CSMD1: variants seen among roughly 807,000 people sequenced by gnomAD.
The protein encoded by CSMD1 is CUB and sushi domain-containing protein 1.
CSMD1 carries 213 observed loss-of-function variants against 417.5 expected under a neutral mutation model. That is an observed-to-expected ratio of 0.51 (90% CI 0.46 to 0.57). The LOEUF is 0.57. Among genes scored for constraint, CSMD1 ranks in the 20% least tolerant of loss-of-function variants. The probability of loss-of-function intolerance (pLI) is 0.00; values close to 1 mark genes in which losing one functional copy is unlikely to be tolerated. For missense variants in CSMD1, 6,923 were observed against 4,529.7 expected (o/e 1.53, Z -15.17); for synonymous variants, 2,862 against 1,736.8 (o/e 1.65, Z -16.11).
chr8:3,737,702 T>G (rs1796595406), intron 6 of CSMD1, among the ~76,000 whole-genome samples: 1 of 152,222 alleles, frequency 6.6e-6, no homozygotes, highest in African/African-American at 2.4e-5. Flanking sequence ...TCTTCACGTT[T>G]CTGACTTCCA....
chr8:3,746,570 T>A (rs564780577), intron 6 of CSMD1, among the ~76,000 whole-genome samples: 1 of 152,364 alleles, frequency 6.6e-6, no homozygotes, highest in Admixed American at 6.5e-5. Flanking sequence ...AATGTTCATG[T>A]ATTCCATTAG....
intron 5 of CSMD1, among the ~76,000 whole-genome samples, chr8:3,969,160 G>C (rs1024708881): frequency 7.2e-5 from 11 of 152,130 alleles, no homozygotes; most frequent in Non-Finnish European, 1.6e-4. Context: ...TGAGGGAGGA[G>C]AATTGCTTGA....
intron 3 of CSMD1, among the ~76,000 whole-genome samples, chr8:4,120,172 A>C (rs1468437760): frequency 6.6e-6 from 1 of 152,162 alleles, no homozygotes; most frequent in Non-Finnish European, 1.5e-5. Flanking sequence ...GTACCCCATA[A>C]ATATATACAC....
intron 1 of CSMD1, among the ~76,000 whole-genome samples, chr8:4,672,981 G>C (rs1009550225): frequency 6.6e-6 from 1 of 151,602 alleles, no homozygotes; most frequent in African/African-American, 2.4e-5. Flanking sequence ...CGTTTCCATA[G>C]TGGCATACAC....
intron 1 of CSMD1, among the ~76,000 whole-genome samples, chr8:4,725,909 G>C (rs903883999): frequency 2.0e-5 from 3 of 152,032 alleles, no homozygotes; most frequent in African/African-American, 7.3e-5. Context: ...CACATTCCAG[G>C]GGGGGTTACT....
At chr8:4,457,096 A>G (rs1264352068) in intron 2 of CSMD1, among the ~76,000 whole-genome samples, 2 of 151,974 alleles carry the variant, frequency 1.3e-5, no homozygotes, top group African/African-American at 4.8e-5. Flanking sequence ...GAAAAATAAT[A>G]TGACTATCGA....
intron 26 of CSMD1, among the ~76,000 whole-genome samples, chr8:3,266,962 T>A (rs956544982): frequency 6.6e-6 from 1 of 152,072 alleles, no homozygotes; most frequent in Non-Finnish European, 1.5e-5. Flanking sequence ...GTATAAAATT[T>A]TGCTCTAAAA....
chr8:4,340,422 C>T (rs1800408542), intron 3 of CSMD1, among the ~76,000 whole-genome samples: 1 of 152,064 alleles, frequency 6.6e-6, no homozygotes, highest in Admixed American at 6.6e-5. Flanking sequence ...GCCAAATAAA[C>T]TCCTCAATTA....
chr8:4,303,749 G>A (rs746992016), intron 3 of CSMD1, among the ~76,000 whole-genome samples: 5 of 151,870 alleles, frequency 3.3e-5, no homozygotes, highest in African/African-American at 9.7e-5. Context: ...TCAGCCTCCT[G>A]GTTTCAAGCG....
intron 54 of CSMD1, among the ~76,000 whole-genome samples, chr8:2,987,719 G>A (rs918590138): frequency 2.6e-5 from 4 of 152,202 alleles, no homozygotes; most frequent in South Asian, 2.1e-4. Flanking sequence ...GTTCATCACC[G>A]TTTCCCTCTG....
chr8:3,166,078 G>A (rs1005690608), intron 37 of CSMD1, among the ~76,000 whole-genome samples: 1 of 152,076 alleles, frequency 6.6e-6, no homozygotes, highest in Non-Finnish European at 1.5e-5. Flanking sequence ...ATGATAGGAA[G>A]TAGGCAGGGT....
chr8:4,922,644 C>A (rs1430851955), intron 1 of CSMD1, among the ~76,000 whole-genome samples: 3 of 152,186 alleles, frequency 2.0e-5, no homozygotes, highest in African/African-American at 7.2e-5. Flanking sequence ...ATCTTGTCCA[C>A]AGTTCACATG....
intron 5 of CSMD1, among the ~76,000 whole-genome samples, chr8:3,939,411 G>C (rs562018622): frequency 6.6e-6 from 1 of 152,274 alleles, no homozygotes; most frequent in South Asian, 2.1e-4. Context: ...CACTACTGGT[G>C]TGTGTATAAA....
intron 1 of CSMD1, among the ~76,000 whole-genome samples, chr8:4,916,635 C>T (rs1327223374): frequency 1.3e-5 from 2 of 152,086 alleles, no homozygotes; most frequent in Admixed American, 1.3e-4. Context: ...TAGTAATAAC[C>T]TCCAATAAAA....
Position 3,359,351 on chromosome 8 carries a change from C to A in CSMD1, c.3116-11G>T, listed in dbSNP as rs760381125. 4 of 1,606,722 alleles carry A rather than the reference C, an allele frequency of 2.5e-6. No individual in the cohort carries two copies. The highest frequency in any genetic ancestry group is 3.4e-6 in the Non-Finnish European group (4 of 1,175,842). ...GCTCCAGGTCATATTCTGAGGCATGCAGAGACAGAGTAAATGCATGAGGAT... is the reference window on the plus strand; with the variant it reads ...GCTCCAGGTCATATTCTGAGGCATGAAGAGACAGAGTAAATGCATGAGGAT... On this transcript the variant is annotated splice_polypyrimidine_tract_variant and intron_variant, in intron 20 of 69. Coordinates refer to ENST00000635120, the MANE Select transcript of CSMD1 (RefSeq NM_033225.6).
chr8:4,727,050 G>A (rs552020024), intron 1 of CSMD1, among the ~76,000 whole-genome samples: 1 of 152,210 alleles, frequency 6.6e-6, no homozygotes, highest in East Asian at 1.9e-4. Flanking sequence ...TTTTCTAAAT[G>A]GAGAAACTGA....
At chr8:3,036,410 C>T (rs6993520) in intron 50 of CSMD1, among the ~76,000 whole-genome samples, 12,614 of 152,212 alleles carry the variant, frequency 0.083, 1,753 homozygotes, top group African/African-American at 0.29. Context: ...ACAGAGAAGT[C>T]TCCCCTATCG....
At chr8:3,370,963 G>C (rs1282285451) in intron 18 of CSMD1, among the ~76,000 whole-genome samples, 1 of 150,852 alleles carries the variant, frequency 6.6e-6, no homozygotes, top group East Asian at 2.0e-4. Flanking sequence ...GGCAACAAGA[G>C]TCAAACTCCA....
At chr8:2,968,103 G>C (rs892242761) in intron 57 of CSMD1, among the ~76,000 whole-genome samples, 41 of 152,234 alleles carry the variant, frequency 2.7e-4, no homozygotes, top group African/African-American at 9.6e-4. Context: ...TACTATTTAA[G>C]GCTCTCTAAA....
Sources: allele counts gnomAD v4.1 joint callset (sites outside exome capture counted in the v4.1 genomes callset), GRCh38; gene constraint gnomAD v4.1.1; transcripts MANE v1.5; gene names NCBI Gene and HGNC (gene_info 2026-07-23, HGNC 2026-07-21).